The following FGFR1 variants were observed in gnomAD, a reference collection of about 807,000 sequenced individuals.
FGFR1 encodes FGFR1/PLAG1 fusion.
Under a neutral mutation model 93.7 loss-of-function variants are expected in FGFR1, and 18 were observed. The ratio of observed to expected loss-of-function variants is 0.19; its 90% CI spans 0.13 to 0.28. FGFR1 has a LOEUF of 0.28. Among genes scored for constraint, FGFR1 ranks in the 10% least tolerant of loss-of-function variants. The pLI is 1.00. For missense variants in FGFR1, 731 were observed against 1,080.4 expected (o/e 0.68, Z 4.53); for synonymous variants, 448 against 429.3 (o/e 1.04, Z -0.54).
At position 38,429,595 on chromosome 8, in the gene FGFR1, G is replaced by T. The variant is rs1822102605; in HGVS notation, c.358+87C>A. 1.4e-6 allele frequency: 2 copies of T among 1,393,322 alleles called. No individual in the cohort carries two copies. The highest frequency in any genetic ancestry group is 2.0e-5 in the Admixed American group (1 of 49,750). 86.3% of individuals were successfully genotyped at this position (1,393,322 alleles called of 1,614,324 possible). On this transcript the variant is annotated intron_variant, in intron 3 of 17. Transcript: ENST00000447712. This position sits in a 1 kb window ranked among gnomAD's most constrained non-coding sequence, Gnocchi z 4.4. The stretch of plus-strand genomic sequence containing the variant: ...AGAGTGGGGGCAGATCACGGAGGGG[G>T]AGGAGGTTCACCTTCCTCTGAAACT...
intron 5 of FGFR1, among the ~76,000 whole-genome samples, chr8:38,427,425 C>G (rs922084856): frequency 2.6e-5 from 4 of 152,116 alleles, no homozygotes; most frequent in African/African-American, 7.2e-5. Flanking sequence ...ATTACAGGAG[C>G]CTGCCACCAC....
intron 1 of FGFR1, 89 bp downstream of exon 1, chr8:38,467,891 CG>C (rs1242709253): frequency 1.3e-5 from 3 of 224,372 alleles, no homozygotes; most frequent in African/African-American, 6.7e-5. Context: ...TGGGCTGCGG[CG>C]GGCAAAGCGC....
chr8:38,457,734 C>CT (rs1833257939), intron 1 of FGFR1, among the ~76,000 whole-genome samples, 200 bp from the exon 2 acceptor site: 1 of 152,154 alleles, frequency 6.6e-6, no homozygotes, highest in African/African-American at 2.4e-5. Flanking sequence ...CCCTGTAATC[C>CT]CAGCACTTTG....
intron 2 of FGFR1, chr8:38,430,779 C>G (rs1412643673): frequency 6.6e-6 from 1 of 152,368 alleles, no homozygotes; most frequent in African/African-American, 2.4e-5. Context: ...CCATCCTTCT[C>G]TGTCCCTGGG....
chr8:38,418,716 AC>A, intron 9 of FGFR1: 1 of 359,594 alleles, frequency 2.8e-6, no homozygotes, highest in Non-Finnish European at 5.3e-6. Context: ...TGGATTCCTA[AC>A]TCCCAAAGCA....
At position 38,413,736 on chromosome 8, in the gene FGFR1, C is replaced by T. The variant is rs200408837; in HGVS notation, c.2361G>A (p.Thr787=). Residue 787 remains threonine (T), a synonymous_variant, in exon 18 of 18, where the codon ACG becomes ACA. Coordinates refer to ENST00000447712, the MANE Select transcript of FGFR1 (RefSeq NM_023110.3). The surrounding 1 kb of genome is among the most constrained non-coding windows in gnomAD (Gnocchi z 4.2). ...AGACGGAATCCTCCCCTGAGGAGCA[C>T]GTAGAGCTCCGGGTGTCGGGAAAGC... ...SPSFPDTRSS[T]CSSGEDSVFS... The T allele has an allele frequency of 6.5e-4, 1,042 of 1,613,950 alleles. 2 individuals are homozygous for T. The highest frequency in any genetic ancestry group is 8.5e-4 in the Non-Finnish European group (1,006 of 1,180,004).
chr8:38,418,644 A>G (rs1817627109), intron 9 of FGFR1: 1 of 527,848 alleles, frequency 1.9e-6, no homozygotes, highest in South Asian at 2.1e-5. Flanking sequence ...ACATTTTATA[A>G]CTGATCATTG....
At chr8:38,428,530 C>A (rs1279091289) in intron 3 of FGFR1, 95 bp from the exon 4 acceptor site, 2 of 916,810 alleles carry the variant, frequency 2.2e-6, no homozygotes, top group African/African-American at 3.3e-5. Context: ...ACACCCTCCC[C>A]ATGGGGATCC....
At chr8:38,449,563 A>T (rs1830411690) in intron 2 of FGFR1, among the ~76,000 whole-genome samples, 2 of 152,170 alleles carry the variant, frequency 1.3e-5, no homozygotes, top group Admixed American at 1.3e-4. Flanking sequence ...CGTAACCACT[A>T]AGTCTACTCT....
chr8:38,466,364 C>G (rs1835500511), intron 1 of FGFR1, among the ~76,000 whole-genome samples: 1 of 152,252 alleles, frequency 6.6e-6, no homozygotes, highest in Non-Finnish European at 1.5e-5. Context: ...GAAAGCAACG[C>G]TTTGGTTCCA....
chr8:38,447,151 A>C (rs185477610), intron 2 of FGFR1, among the ~76,000 whole-genome samples: 174 of 128,194 alleles, frequency 1.4e-3, no homozygotes, highest in African/African-American at 3.5e-3. Context: ...ACACACACAC[A>C]CCCCTGACAA....
At chr8:38,458,063 G>A (rs767576141) in intron 1 of FGFR1, among the ~76,000 whole-genome samples, 1 of 152,168 alleles carries the variant, frequency 6.6e-6, no homozygotes, top group Admixed American at 6.5e-5. Flanking sequence ...TGCAGATTAC[G>A]TGCAAGCCTG....
At chr8:38,462,750 T>C (rs1834690305) in intron 1 of FGFR1, among the ~76,000 whole-genome samples, 2 of 151,732 alleles carry the variant, frequency 1.3e-5, no homozygotes, top group Admixed American at 1.3e-4. Context: ...ATTACAGACA[T>C]GAGCCACCAA....
At chr8:38,428,239 A>T in intron 4 of FGFR1, 107 bp downstream of exon 4, 1 of 1,468,368 alleles carries the variant, frequency 6.8e-7, no homozygotes, top group Admixed American at 1.7e-5. Flanking sequence ...CAGAACAGGC[A>T]CCGTGACCCC....
At chr8:38,446,822 A>G (rs549427418) in intron 2 of FGFR1, among the ~76,000 whole-genome samples, 36 of 152,208 alleles carry the variant, frequency 2.4e-4, no homozygotes, top group Non-Finnish European at 4.4e-4. Context: ...GACCACATCC[A>G]TATTAGAAGC....
chr8:38,441,375 C>T (rs1160170048), intron 2 of FGFR1, among the ~76,000 whole-genome samples: 2 of 152,294 alleles, frequency 1.3e-5, no homozygotes, highest in African/African-American at 2.4e-5. Flanking sequence ...AGTTCACTAC[C>T]TCACTGGGAG....
At position 38,468,555 on chromosome 8, in the gene FGFR1, C is replaced by G; in HGVS notation, c.-663G>C. 4.4e-6 allele frequency: 1 copy of G among 228,830 alleles called. No homozygotes were observed. Among genetic ancestry groups the G allele is most frequent in the Non-Finnish European group, 8.7e-6 (1 of 115,040 alleles). The allele number at this position is 228,830 out of a possible 1,614,324, so 14.2% of individuals were successfully genotyped here. A position where few individuals can be genotyped will look rare whatever the true frequency, so the allele number is the denominator to read the frequency against. ...GTTCCTCCGCGCGCTGCGGCTGCAC[C>G]GGCGTCCCGGCTCCCGCTAGCTGCC... On this transcript the variant is annotated 5_prime_UTR_variant, in exon 1 of 18. Coordinates refer to ENST00000447712, the MANE Select transcript of FGFR1 (RefSeq NM_023110.3).
intron 2 of FGFR1, among the ~76,000 whole-genome samples, chr8:38,439,910 T>C (rs1245384509): frequency 6.6e-6 from 1 of 152,162 alleles, no homozygotes; most frequent in Non-Finnish European, 1.5e-5. Flanking sequence ...CAGTAGGTAT[T>C]TGTATTACCT....
chr8:38,421,934 C>T lies in FGFR1; in HGVS notation c.944G>A (p.Gly315Glu), dbSNP rs2150759432. The T allele has an allele frequency of 6.2e-7, 1 of 1,614,048 alleles. No homozygotes were observed. Among genetic ancestry groups the T allele is most frequent in the East Asian group, 2.2e-5 (1 of 44,878 alleles). The change falls in exon 8 of 18, where the codon GGA becomes GAA. Residue 315 changes from glycine to glutamate, a missense_variant. Physicochemically the swap from Gly to Glu is moderately conservative, Grantham distance 98. Transcript: ENST00000447712. Reference sequence around the variant, plus strand: ...CATCTCTTTGTCGGTGGTATTAACTCCAGCAGTCTAGAAGAGACAACGGAA... The same window carrying T: ...CATCTCTTTGTCGGTGGTATTAACTTCAGCAGTCTAGAAGAGACAACGGAA... ...LPYVQILKTA[G>E]VNTTDKEMEV...
Sources: allele counts gnomAD v4.1 joint callset (sites outside exome capture counted in the v4.1 genomes callset), GRCh38; gene constraint gnomAD v4.1.1; non-coding constraint Gnocchi (gnomAD v3.1); transcripts MANE v1.5; gene names NCBI Gene and HGNC (gene_info 2026-07-23, HGNC 2026-07-21).